RPL13A: variants seen among roughly 807,000 people sequenced by gnomAD.
RPL13A encodes large ribosomal subunit protein uL13.
In RPL13A, 4 loss-of-function variants were observed where a neutral mutation model predicts 30.8. The observed-to-expected ratio is 0.13, with a 90% CI of 0.06 to 0.30. The LOEUF (loss-of-function observed/expected upper bound fraction) is 0.30, where lower values mean the gene tolerates loss of function less well. RPL13A is among the 10% of genes least tolerant of loss of function. The probability of loss-of-function intolerance (pLI) is 1.00; values close to 1 mark genes in which losing one functional copy is unlikely to be tolerated. For missense variants in RPL13A, 196 were observed against 272.6 expected (o/e 0.72, Z 1.98); for synonymous variants, 108 against 104.2 (o/e 1.04, Z -0.22).
In RPL13A at chr19:49,491,953, A is replaced by G; in HGVS notation, c.*138A>G. 1 of 675,082 alleles carries G rather than the reference A, an allele frequency of 1.5e-6. No individual in the cohort carries two copies. 41.8% of individuals were successfully genotyped at this position (675,082 alleles called of 1,614,324 possible). A position where few individuals can be genotyped will look rare whatever the true frequency, so the allele number is the denominator to read the frequency against. Reference sequence around the variant, plus strand: ...GACATAGGAAGCTGGGAGCAAGGAAAGGGTCTTAGTCACTGCCTCCCGAAG... The same window carrying G: ...GACATAGGAAGCTGGGAGCAAGGAAGGGGTCTTAGTCACTGCCTCCCGAAG... On this transcript the variant is annotated 3_prime_UTR_variant, in exon 8 of 8. Coordinates refer to ENST00000391857, the MANE Select transcript of RPL13A (RefSeq NM_012423.4).
intron 1 of RPL13A, 48 bp from the exon 2 acceptor site, chr19:49,489,798 ACAAT>A: frequency 7.2e-7 from 1 of 1,390,870 alleles, no homozygotes; most frequent in East Asian, 2.3e-5. Context: ...GCTTGTGAGG[ACAAT>A]CAAAGGCTGT....
In RPL13A at chr19:49,490,234, C is replaced by T. The variant is rs775151303; in HGVS notation, c.91C>T (p.Arg31Trp). The T allele has an allele frequency of 7.4e-6, 12 of 1,614,080 alleles. No individual in the cohort carries two copies. The highest frequency in any genetic ancestry group is 2.2e-5 in the East Asian group (1 of 44,890). Reference sequence around the variant, plus strand: ...GCTAAGCCTTTCCCTCCCTCTAGGCCGGAAGGTGGTGGTCGTACGCTGTGA... The same window carrying T: ...GCTAAGCCTTTCCCTCCCTCTAGGCTGGAAGGTGGTGGTCGTACGCTGTGA... The part of the protein sequence containing the change: ...AIVAKQVLLG[R>W]KVVVVRCEGI... Residue 31 changes from arginine to tryptophan, a missense_variant and splice_region_variant, in exon 3 of 8, where the codon CGG (arginine) becomes TGG (tryptophan). Physicochemically the swap from Arg to Trp is moderately radical, Grantham distance 101. Coordinates refer to ENST00000391857, the MANE Select transcript of RPL13A (RefSeq NM_012423.4).
intron 2 of RPL13A, 112 bp from the exon 3 acceptor site, chr19:49,490,120 T>A: frequency 1.7e-6 from 2 of 1,182,162 alleles, no homozygotes; most frequent in Non-Finnish European, 2.5e-6. Context: ...GTTTTTCATT[T>A]AAACAGGAAC....
Position 49,489,936 on chromosome 19 carries a change from C to G in RPL13A, c.88+14C>G. Reference sequence around the variant, plus strand: ...AGGTACTGCTGGGTAAGTCGCTGCTCGTGGCCCCTCTGTCATGGGCCCCCG... The same window carrying G: ...AGGTACTGCTGGGTAAGTCGCTGCTGGTGGCCCCTCTGTCATGGGCCCCCG... On this transcript the variant is annotated intron_variant, in intron 2 of 7. Transcript: ENST00000391857. The G allele has an allele frequency of 6.2e-7, 1 of 1,608,378 alleles. No individual in the cohort carries two copies. Among genetic ancestry groups the G allele is most frequent in the Admixed American group, 1.7e-5 (1 of 60,018 alleles).
In RPL13A at chr19:49,491,722, T is replaced by G. The variant is rs1451916914; in HGVS notation, c.526-7T>G. 6.2e-7 allele frequency: 1 copy of G among 1,613,084 alleles called. No homozygotes were observed. Among genetic ancestry groups the G allele is most frequent in the Non-Finnish European group, 8.5e-7 (1 of 1,179,658 alleles). ...TGACCACCACCACCTGCACTTATTC[T>G]TGGCAGAGGCTACGGAAACAGGCCG... On this transcript the variant is annotated splice_polypyrimidine_tract_variant and splice_region_variant and intron_variant, in intron 7 of 7. Transcript: ENST00000391857.
chr19:49,490,424 T>G (rs1391310220), intron 3 of RPL13A, 51 bp from the exon 4 acceptor site: 3 of 1,601,992 alleles, frequency 1.9e-6, no homozygotes, highest in Non-Finnish European at 2.6e-6. Flanking sequence ...GAAGTGGGGT[T>G]TTGGGGGTGC....
intron 1 of RPL13A, among the ~76,000 whole-genome samples, chr19:49,489,120 C>G (rs2079839103): frequency 6.6e-6 from 1 of 152,210 alleles, no homozygotes; most frequent in African/African-American, 2.4e-5. Context: ...CTAATCTCAT[C>G]CCACCTGAAA....
intron 6 of RPL13A, 127 bp from the exon 7 acceptor site, chr19:49,491,298 C>T (rs748896628): frequency 1.7e-6 from 2 of 1,150,072 alleles, no homozygotes; most frequent in Non-Finnish European, 2.6e-6. Flanking sequence ...CTGCAGAGAA[C>T]AGTTGCATTA....
At chr19:49,490,949 T>C (rs2079861182) in intron 5 of RPL13A, 85 bp downstream of exon 5, 3 of 1,605,262 alleles carry the variant, frequency 1.9e-6, no homozygotes, top group South Asian at 1.1e-5. Flanking sequence ...TTGATCCTCA[T>C]GAAAGCAGCA....
At chr19:49,491,122 C>G (rs1389546292) in intron 6 of RPL13A, 23 bp downstream of exon 6, 12 of 1,613,652 alleles carry the variant, frequency 7.4e-6, no homozygotes, top group African/African-American at 2.7e-5. Flanking sequence ...TTACGCTGCA[C>G]CATCTACTTG....
At chr19:49,490,622 G>A (rs1199360451) in intron 4 of RPL13A, 46 bp downstream of exon 4, 1 of 1,600,506 alleles carries the variant, frequency 6.2e-7, no homozygotes, top group Non-Finnish European at 8.6e-7. Flanking sequence ...CAGGCGGCCG[G>A]TGATGAGAAC....
intron 2 of RPL13A, 133 bp downstream of exon 2, chr19:49,490,055 A>C: frequency 1.0e-6 from 1 of 1,001,804 alleles, no homozygotes; most frequent in Non-Finnish European, 1.6e-6. Context: ...CCTGCCAGCC[A>C]CTCTTCCCCA....
chr19:49,488,047 CA>C (rs2079825173), intron 1 of RPL13A, among the ~76,000 whole-genome samples: 2 of 152,230 alleles, frequency 1.3e-5, no homozygotes, highest in South Asian at 4.1e-4. Context: ...GAGTTTTGGC[CA>C]AAATGGAAGG....
chr19:49,489,787 TG>T, intron 1 of RPL13A, 62 bp from the exon 2 acceptor site: 1 of 1,320,698 alleles, frequency 7.6e-7, no homozygotes, highest in Non-Finnish European at 1.1e-6. Context: ...AGGGAATGCT[TG>T]CTTGTGAGGA....
intron 6 of RPL13A, 25 bp from the exon 7 acceptor site, chr19:49,491,400 T>TCGCCCCCCCCC: frequency 1.0e-6 from 1 of 976,860 alleles, no homozygotes; most frequent in Non-Finnish European, 1.4e-6. Flanking sequence ...CTTCATTTGT[T>TCGCCCCCCCCC]CACCCCCCCC....
At position 49,491,080 on chromosome 19, in the gene RPL13A, G is replaced by A. The variant is rs1366975772; in HGVS notation, c.383G>A (p.Arg128His). ...MVVPAALKVV[R>H]LKPTRKFAYL... ...GTTCCTGCTGCCCTCAAGGTCGTGC[G>A]TCTGAAGCCTACAAGAAAGGTGAGT... The change falls in exon 6 of 8, where the codon CGT becomes CAT. Residue 128 changes from arginine (R) to histidine (H), a missense_variant. Transcript: ENST00000391857. 2.5e-6 allele frequency: 4 copies of A among 1,614,106 alleles called. No individual in the cohort carries two copies. Among genetic ancestry groups the A allele is most frequent in the East Asian group, 2.2e-5 (1 of 44,892 alleles).
At position 49,491,420 on chromosome 19, in the gene RPL13A, C is replaced by CCG. The variant is rs1555807000; in HGVS notation, c.403-5_403-4insCG. On this transcript the variant is annotated splice_polypyrimidine_tract_variant and splice_region_variant and intron_variant, in intron 6 of 7. Coordinates refer to ENST00000391857, the MANE Select transcript of RPL13A (RefSeq NM_012423.4). ...TTTGTTCACCCCCCCCCCCCCCCCC[C>CCG]GCAGTTTGCCTATCTGGGGCGCCTG... is the stretch of plus-strand genomic sequence containing the variant. 2.8e-4 allele frequency: 302 copies of CCG among 1,071,968 alleles called. 7 individuals carry two copies. The highest frequency in any genetic ancestry group is 1.2e-3 in the African/African-American group (45 of 37,652). 66.4% of individuals were successfully genotyped at this position (1,071,968 alleles called of 1,614,324 possible).
rs1386732330 is a variant in RPL13A at position 49,489,900 on chromosome 19, C to G, written c.66C>G (p.Ile22Met). 1.4e-5 allele frequency: 22 copies of G among 1,613,916 alleles called. No homozygotes were observed. Among genetic ancestry groups the G allele is most frequent in the Non-Finnish European group, 1.9e-5 (22 of 1,179,748 alleles). The part of the protein sequence containing the change: ...RGHLLGRLAA[I>M]VAKQVLLGRK... ...ATCTCCTGGGCCGCCTGGCGGCCAT[C>G]GTGGCTAAACAGGTACTGCTGGGTA... The change falls in exon 2 of 8, where the codon ATC becomes ATG. Residue 22 changes from isoleucine (I) to methionine (M), a missense_variant. Ile to Met is a conservative substitution (Grantham distance 10, BLOSUM62 1). Transcript: ENST00000391857.
chr19:49,491,369 G>A (rs1290087910), intron 6 of RPL13A, 56 bp from the exon 7 acceptor site: 30 of 1,488,954 alleles, frequency 2.0e-5, no homozygotes, highest in Middle Eastern at 2.0e-4. Context: ...TCAGGGTGTG[G>A]GGGCTTAGAT....
Sources: allele counts gnomAD v4.1 joint callset (sites outside exome capture counted in the v4.1 genomes callset), GRCh38; gene constraint gnomAD v4.1.1; transcripts MANE v1.5; gene names NCBI Gene and HGNC (gene_info 2026-07-23, HGNC 2026-07-21).